Variants in PLA2G6 observed in about 807,000 individuals in gnomAD.
PLA2G6 encodes phospholipase A2 group VI.
A neutral mutation model predicts 83.8 loss-of-function variants in PLA2G6; 62 were observed. That is an observed-to-expected ratio of 0.74 (90% confidence interval 0.60 to 0.91). The LOEUF is 0.91. PLA2G6 is among the 40% of genes least tolerant of loss of function. PLA2G6 has a pLI of 0.00. For synonymous variants in PLA2G6, 417 were observed against 449.8 expected, an observed-to-expected ratio of 0.93 and a Z score of 0.92; for missense variants, 944 against 1,102.0, an observed-to-expected ratio of 0.86 and a Z score of 2.03.
chr22:38,125,504 T>A (rs761132111), intron 10 of PLA2G6: 1 of 345,168 alleles, frequency 2.9e-6, no homozygotes, highest in Non-Finnish European at 6.0e-6. Flanking sequence ...CTGCCTCTGA[T>A]TCTGAGAAGA....
intron 9 of PLA2G6, chr22:38,127,309 T>C (rs2087921446): frequency 7.8e-7 from 1 of 1,277,580 alleles, no homozygotes; most frequent in African/African-American, 1.5e-5. Context: ...AGGGGGCGTG[T>C]GGTGTGTGCG....
At chr22:38,140,479 G>C in intron 4 of PLA2G6, 1 of 360,468 alleles carries the variant, frequency 2.8e-6, no homozygotes, top group South Asian at 2.4e-5. Context: ...TTGCACTCTA[G>C]CCTGGGCAAT....
chr22:38,152,910 T>C (rs1343904617), intron 2 of PLA2G6, among the ~76,000 whole-genome samples: 1 of 151,928 alleles, frequency 6.6e-6, no homozygotes, highest in Non-Finnish European at 1.5e-5. Context: ...ACACGCTATA[T>C]GATTAAAAGC....
chr22:38,119,459 C>T (rs910392868), intron 12 of PLA2G6, among the ~76,000 whole-genome samples: 1 of 152,160 alleles, frequency 6.6e-6, no homozygotes, highest in Non-Finnish European at 1.5e-5. Context: ...ATGTAAAAGG[C>T]AGATCTAGAG....
At chr22:38,163,014 C>T (rs1206904662) in intron 2 of PLA2G6, among the ~76,000 whole-genome samples, 1 of 152,126 alleles carries the variant, frequency 6.6e-6, no homozygotes, top group Non-Finnish European at 1.5e-5. Flanking sequence ...TGTGTCTCTG[C>T]TGGGGTGGGA....
chr22:38,114,157 TTGAACCTGAGCCCTG>T (rs2087046051), intron 14 of PLA2G6, among the ~76,000 whole-genome samples: 1 of 150,996 alleles, frequency 6.6e-6, no homozygotes, highest in Non-Finnish European at 1.5e-5. Context: ...GGGCTAAGGC[TTGAACCTGAGCCCTG>T]GGTGCTGCCT....
Position 38,143,270 on chromosome 22 carries a change from C to A in PLA2G6, c.444G>T (p.Glu148Asp). 1 of 1,612,924 alleles carries A rather than the reference C, an allele frequency of 6.2e-7. No homozygotes were observed. ...SRIISCANCA[E>D]NEEGCTPLHL... ...GCAGGGGTGTGCAGCCCTCCTCGTTCTCCGCGCAATTGGCACAGCTGCAGG... is the reference window on the plus strand; with the variant it reads ...GCAGGGGTGTGCAGCCCTCCTCGTTATCCGCGCAATTGGCACAGCTGCAGG... The change falls in exon 4 of 17, where the codon GAG becomes GAT. Residue 148 changes from glutamate to aspartate, a missense_variant. By Grantham distance (45) the Glu-to-Asp change is conservative (BLOSUM62 2). Transcript: ENST00000332509.
intron 1 of PLA2G6, among the ~76,000 whole-genome samples, chr22:38,178,118 G>A (rs1295885878): frequency 6.6e-6 from 1 of 152,180 alleles, no homozygotes; most frequent in Non-Finnish European, 1.5e-5. Context: ...CCCCGAAACT[G>A]TCACTGGAGC....
At chr22:38,116,291 G>T in intron 12 of PLA2G6, 80 bp from the exon 13 acceptor site, 2 of 1,483,090 alleles carry the variant, frequency 1.3e-6, no homozygotes, top group Non-Finnish European at 1.9e-6. Context: ...ACACCCCAGG[G>T]CCTTGGGTAG....
chr22:38,115,328 C>A (rs1284494905), intron 14 of PLA2G6, among the ~76,000 whole-genome samples, 199 bp downstream of exon 14: 1 of 152,230 alleles, frequency 6.6e-6, no homozygotes, highest in Admixed American at 6.5e-5. Context: ...TCCTCAGATC[C>A]CCCTTAGCAC....
chr22:38,143,389 C>T lies in PLA2G6; in HGVS notation c.426-101G>A, dbSNP rs956964899. On this transcript the variant is annotated intron_variant, in intron 3 of 16. Transcript: ENST00000332509. Reference sequence around the variant, plus strand: ...AGGGAAGTGCACTCGGAAACTCGGACTTTCTGGTTTATTTGAGCTCAAGAG... The same window carrying T: ...AGGGAAGTGCACTCGGAAACTCGGATTTTCTGGTTTATTTGAGCTCAAGAG... 78 of 1,145,058 alleles carry T rather than the reference C, an allele frequency of 6.8e-5. 1 individual carries two copies. The highest frequency in any genetic ancestry group is 9.4e-5 in the Non-Finnish European group (72 of 770,016). The allele number at this position is 1,145,058 out of a possible 1,614,324, so 70.9% of individuals were successfully genotyped here.
chr22:38,152,508 G>T (rs1211903796), intron 2 of PLA2G6, among the ~76,000 whole-genome samples: 1 of 150,460 alleles, frequency 6.6e-6, no homozygotes, highest in Non-Finnish European at 1.5e-5. Context: ...TGCCTGGCCC[G>T]TGCCTGGCAC....
At chr22:38,150,066 A>AAC (rs1236408988) in intron 2 of PLA2G6, 1 of 151,594 alleles carries the variant, frequency 6.6e-6, no homozygotes, top group East Asian at 1.9e-4. Flanking sequence ...AAAAAAAAAA[A>AAC]AACACATAGA....
intron 6 of PLA2G6, 144 bp from the exon 7 acceptor site, chr22:38,133,157 G>A (rs1169989026): frequency 1.3e-6 from 1 of 791,312 alleles, no homozygotes; most frequent in African/African-American, 1.7e-5. Context: ...TCCAGGGGCA[G>A]GCCCCAGTTC....
At chr22:38,153,455 C>T (rs2145865453) in intron 2 of PLA2G6, among the ~76,000 whole-genome samples, 1 of 152,010 alleles carries the variant, frequency 6.6e-6, no homozygotes, top group Admixed American at 6.6e-5. Flanking sequence ...GCATTTTCGA[C>T]ATTAAAGTTT....
Position 38,112,069 on chromosome 22 carries a change from C to A in PLA2G6, c.*92G>T. On this transcript the variant is annotated 3_prime_UTR_variant, in exon 17 of 17. Coordinates refer to ENST00000332509, the MANE Select transcript of PLA2G6 (RefSeq NM_003560.4). ...GTCTATGGACTCAGAGGTGCCTGGG[C>A]CCAGATCTGCCCGGGAGGGCAGTGG... is the stretch of plus-strand genomic sequence containing the variant. 5 of 1,451,398 alleles carry A rather than the reference C, an allele frequency of 3.4e-6. No homozygotes were observed. The highest frequency in any genetic ancestry group is 4.7e-6 in the Non-Finnish European group (5 of 1,058,876). The allele number at this position is 1,451,398 out of a possible 1,614,324, so 89.9% of individuals were successfully genotyped here. A position where few individuals can be genotyped will look rare whatever the true frequency, so the allele number is the denominator to read the frequency against.
chr22:38,133,397 C>T (rs932459680), intron 6 of PLA2G6: 2 of 257,164 alleles, frequency 7.8e-6, no homozygotes, highest in African/African-American at 4.4e-5. Flanking sequence ...CAATGCACAT[C>T]CCTGGCAGAG....
At chr22:38,127,091 G>C (rs1239561496) in intron 9 of PLA2G6, 2 of 1,102,702 alleles carry the variant, frequency 1.8e-6, no homozygotes, top group Non-Finnish European at 2.2e-6. Context: ...TGCCCCTCCT[G>C]ACAAGCAGCC....
intron 9 of PLA2G6, chr22:38,127,208 C>T (rs1602112924): frequency 8.4e-6 from 10 of 1,187,200 alleles, no homozygotes; most frequent in South Asian, 6.1e-5. Flanking sequence ...GGCTGCGAAG[C>T]GGTGTCTCCC....
Sources: allele counts gnomAD v4.1 joint callset (sites outside exome capture counted in the v4.1 genomes callset), GRCh38; gene constraint gnomAD v4.1.1; transcripts MANE v1.5; gene names NCBI Gene and HGNC (gene_info 2026-07-23, HGNC 2026-07-21).